The following NSUN6 variants were observed in gnomAD, a reference collection of about 807,000 sequenced individuals.
NSUN6 encodes the protein tRNA (cytosine(72)-C(5))-methyltransferase NSUN6.
Under a neutral mutation model 58.0 loss-of-function variants are expected in NSUN6, and 64 were observed. The observed-to-expected ratio is 1.10, with a 90% CI of 0.90 to 1.36. The LOEUF (loss-of-function observed/expected upper bound fraction) is 1.36. Among genes scored for constraint, NSUN6 ranks in the 40% most tolerant of loss-of-function variants. The pLI is 0.00. For synonymous variants in NSUN6, 231 were observed against 193.9 expected, an observed-to-expected ratio of 1.19 and a Z score of -1.59; for missense variants, 701 against 550.1, an observed-to-expected ratio of 1.27 and a Z score of -2.74.
intron 8 of NSUN6, among the ~76,000 whole-genome samples, chr10:18,563,528 G>GAGTGGAATGGAGAGTAGAATGGAA (rs1434080588): frequency 6.6e-6 from 1 of 150,490 alleles, no homozygotes; most frequent in Admixed American, 6.6e-5. Context: ...ATAGAATGGA[G>GAGTGGAATGGAGAGTAGAATGGAA]AGTGGAATGG....
chr10:18,653,024 A>G (rs1398393726), upstream of NSUN6: 1 of 985,120 alleles, frequency 1.0e-6, no homozygotes, highest in Non-Finnish European at 1.2e-6. Flanking sequence ...AGATTCTTTC[A>G]TGGCTAAAAC....
chr10:18,560,383 T>C (rs1046662738), intron 8 of NSUN6, among the ~76,000 whole-genome samples: 5 of 149,290 alleles, frequency 3.3e-5, no homozygotes, highest in African/African-American at 7.4e-5. Flanking sequence ...GAATGGAGCA[T>C]GGAATGCAAT....
At chr10:18,553,173 T>C (rs568173816) in intron 8 of NSUN6, among the ~76,000 whole-genome samples, 1 of 151,088 alleles carries the variant, frequency 6.6e-6, no homozygotes, top group African/African-American at 2.4e-5. Context: ...CTCCATTCCA[T>C]TCCATTGCAT....
chr10:18,615,140 T>C (rs1304241056), intron 4 of NSUN6, among the ~76,000 whole-genome samples: 1 of 150,096 alleles, frequency 6.7e-6, no homozygotes, highest in Non-Finnish European at 1.5e-5. Context: ...CACACACATA[T>C]AGGCACACAT....
intron 8 of NSUN6, among the ~76,000 whole-genome samples, chr10:18,582,414 C>T (rs1369230059): frequency 6.6e-6 from 1 of 152,036 alleles, no homozygotes; most frequent in Non-Finnish European, 1.5e-5. Flanking sequence ...TTGAAAATAA[C>T]GGAGATTGTG....
At chr10:18,601,522 A>T (rs1244856037) in intron 6 of NSUN6, among the ~76,000 whole-genome samples, 1 of 35,874 alleles carries the variant, frequency 2.8e-5, no homozygotes, top group Non-Finnish European at 5.4e-5. Context: ...TAATTTTCCT[A>T]GTGGCTGGAC....
At chr10:18,563,211 T>C (rs1269319126) in intron 8 of NSUN6, among the ~76,000 whole-genome samples, 1 of 141,642 alleles carries the variant, frequency 7.1e-6, no homozygotes, top group African/African-American at 2.7e-5. Context: ...GAGAATGGTA[T>C]GGAATGGAAT....
rs2054210172 is a variant in NSUN6, at chr10:18,545,705, T to C, written c.*228A>G. On this transcript the variant is annotated 3_prime_UTR_variant, in exon 11 of 11. Coordinates refer to ENST00000377304, the MANE Select transcript of NSUN6 (RefSeq NM_182543.5). ...TAGGCATCTGCTTTTCTTTATACTC[T>C]ACTAAATACATAAAAAAAAAAAATC... is the stretch of plus-strand genomic sequence containing the variant. 2.2e-6 allele frequency: 1 copy of C among 449,084 alleles called. No individual in the cohort carries two copies. The highest frequency in any genetic ancestry group is 4.5e-5 in the East Asian group (1 of 22,376). 27.8% of individuals were successfully genotyped at this position (449,084 alleles called of 1,614,324 possible). A position where few individuals can be genotyped will look rare whatever the true frequency, so the allele number is the denominator to read the frequency against.
At chr10:18,582,952 T>TCAGGCCTCTGAGA (rs1174632369) in intron 8 of NSUN6, among the ~76,000 whole-genome samples, 2 of 152,138 alleles carry the variant, frequency 1.3e-5, no homozygotes, top group Non-Finnish European at 2.9e-5. Context: ...GATGTATTTG[T>TCAGGCCTCTGAGA]CAGGCCTCTG....
intron 2 of NSUN6, among the ~76,000 whole-genome samples, chr10:18,644,076 AT>A (rs1414697034): frequency 6.6e-6 from 1 of 152,184 alleles, no homozygotes; most frequent in Non-Finnish European, 1.5e-5. Flanking sequence ...CAATTCAATG[AT>A]TTTTAGTAAA....
chr10:18,605,968 T>C (rs373817064), intron 6 of NSUN6, among the ~76,000 whole-genome samples: 2 of 152,194 alleles, frequency 1.3e-5, no homozygotes, highest in East Asian at 1.9e-4. Context: ...AAATAAAAGT[T>C]GACTGAAGAT....
intron 8 of NSUN6, among the ~76,000 whole-genome samples, chr10:18,561,854 A>C (rs2055537152): frequency 6.6e-6 from 1 of 150,994 alleles, no homozygotes; most frequent in Admixed American, 6.6e-5. Context: ...AATGAAACGT[A>C]ATGCAGGCTG....
At chr10:18,554,865 G>C (rs914649490) in intron 8 of NSUN6, among the ~76,000 whole-genome samples, 25 of 149,934 alleles carry the variant, frequency 1.7e-4, no homozygotes, top group African/African-American at 5.6e-4. Flanking sequence ...AATGGACTGG[G>C]AAATGGGATG....
chr10:18,558,313 A>G (rs1244357483), intron 8 of NSUN6, among the ~76,000 whole-genome samples: 2 of 150,346 alleles, frequency 1.3e-5, no homozygotes, highest in Non-Finnish European at 3.0e-5. Context: ...ATGGAATGGA[A>G]TGGAGAACAG....
chr10:18,569,793 C>CTCCAT (rs1431354254), intron 8 of NSUN6, among the ~76,000 whole-genome samples: 3 of 150,966 alleles, frequency 2.0e-5, no homozygotes, highest in Non-Finnish European at 4.5e-5. Context: ...TCATTCCATT[C>CTCCAT]TCCATTCCAT....
chr10:18,592,236 G>A (rs2057404937), intron 7 of NSUN6, among the ~76,000 whole-genome samples: 1 of 152,116 alleles, frequency 6.6e-6, no homozygotes, highest in Admixed American at 6.5e-5. Context: ...CAAACAAATG[G>A]AAACAAATTC....
chr10:18,627,331 T>A (rs2058846786), intron 3 of NSUN6, among the ~76,000 whole-genome samples: 1 of 152,162 alleles, frequency 6.6e-6, no homozygotes, highest in Non-Finnish European at 1.5e-5. Context: ...TATCGAGCTT[T>A]TAGTAAAAAA....
intron 3 of NSUN6, among the ~76,000 whole-genome samples, chr10:18,628,444 A>G (rs905997630): frequency 1.3e-5 from 2 of 152,228 alleles, no homozygotes; most frequent in African/African-American, 4.8e-5. Context: ...GCTTCAGACG[A>G]CCAAATTACT....
intron 6 of NSUN6, among the ~76,000 whole-genome samples, chr10:18,607,489 T>A (rs567713061): frequency 6.6e-6 from 1 of 152,240 alleles, no homozygotes; most frequent in Non-Finnish European, 1.5e-5. Context: ...CTGGTAGTTC[T>A]GAACCAGCTT....
Sources: gnomAD v4.1 joint callset for allele counts (sites outside exome capture counted in the v4.1 genomes callset) on GRCh38, gnomAD v4.1.1 for gene constraint, MANE v1.5 for transcripts, NCBI Gene and HGNC (gene_info 2026-07-23, HGNC 2026-07-21) for gene names.